Variants in ARHGAP10 observed in about 807,000 individuals in gnomAD.
ARHGAP10 encodes the protein Rho GTPase activating protein 10, also known as rho GTPase-activating protein 10.
In ARHGAP10, 87 loss-of-function variants were observed where a neutral mutation model predicts 108.6. The ratio of observed to expected loss-of-function variants is 0.80; its 90% confidence interval spans 0.67 to 0.96. The LOEUF is 0.96. Among genes scored for constraint, ARHGAP10 ranks in the 40% least tolerant of loss-of-function variants. ARHGAP10 has a pLI of 0.00. For synonymous variants in ARHGAP10, 347 were observed against 341.1 expected (o/e 1.02, Z -0.19); for missense variants, 939 against 954.5 (o/e 0.98, Z 0.21).
intron 18 of ARHGAP10, among the ~76,000 whole-genome samples, chr4:148,016,983 T>TAAAA (rs767261865): frequency 2.7e-5 from 3 of 112,562 alleles, no homozygotes; most frequent in Admixed American, 9.5e-5. Flanking sequence ...TCATCTCTAT[T>TAAAA]AAAAAAAAAA....
chr4:147,830,396 TCTC>T (rs1732901534), intron 3 of ARHGAP10, among the ~76,000 whole-genome samples: 1 of 152,184 alleles, frequency 6.6e-6, no homozygotes, highest in South Asian at 2.1e-4. Context: ...TGCTCTCAAA[TCTC>T]CTCCATAAGT....
chr4:147,751,368 G>GT (rs1379231652), intron 1 of ARHGAP10, among the ~76,000 whole-genome samples: 2,536 of 141,946 alleles, frequency 0.018, 60 homozygotes, highest in African/African-American at 0.051. Flanking sequence ...AATAGTTGTT[G>GT]TTTTTTTTTT....
intron 13 of ARHGAP10, among the ~76,000 whole-genome samples, chr4:147,918,085 C>G (rs1231680791): frequency 6.6e-6 from 1 of 150,820 alleles, no homozygotes; most frequent in African/African-American, 2.5e-5. Flanking sequence ...TTTAAATACA[C>G]TGGATTTTGG....
At chr4:147,970,145 A>C (rs1385945549) in intron 18 of ARHGAP10, among the ~76,000 whole-genome samples, 4 of 152,198 alleles carry the variant, frequency 2.6e-5, no homozygotes, top group Admixed American at 2.6e-4. Context: ...ACTTCACTGC[A>C]GAGTCCAGGC....
At chr4:147,802,748 C>G (rs574014982) in intron 1 of ARHGAP10, among the ~76,000 whole-genome samples, 187 of 152,200 alleles carry the variant, frequency 1.2e-3, no homozygotes, top group Non-Finnish European at 2.3e-3. Flanking sequence ...TAATATCTGT[C>G]AAAATTCAGA....
intron 19 of ARHGAP10, among the ~76,000 whole-genome samples, chr4:148,035,282 T>C (rs930094792): frequency 6.6e-6 from 1 of 152,244 alleles, no homozygotes; most frequent in African/African-American, 2.4e-5. Flanking sequence ...AAAATGTACT[T>C]ATTAAGTTTA....
intron 15 of ARHGAP10, among the ~76,000 whole-genome samples, chr4:147,950,255 A>G (rs994963089): frequency 1.3e-5 from 2 of 152,002 alleles, no homozygotes; most frequent in Non-Finnish European, 2.9e-5. Context: ...GATTTAATTG[A>G]CCCTTTTTTT....
At position 148,072,240 on chromosome 4, in the gene ARHGAP10, G is replaced by C; in HGVS notation, c.*159G>C. On this transcript the variant is annotated 3_prime_UTR_variant, in exon 23 of 23. Coordinates refer to ENST00000336498, the MANE Select transcript of ARHGAP10 (RefSeq NM_024605.4). ...CAGCCCTGGGGGTGGGGGGTGGTGG[G>C]CAGGGATGGGACGCACCACACAGAA... 5 of 447,910 alleles carry C rather than the reference G, an allele frequency of 1.1e-5. No individual in the cohort carries two copies. The highest frequency in any genetic ancestry group is 4.0e-6 in the Non-Finnish European group (1 of 249,812). The allele number at this position is 447,910 out of a possible 1,614,324, so 27.7% of individuals were successfully genotyped here.
At chr4:147,780,634 C>G (rs1340327761) in intron 1 of ARHGAP10, among the ~76,000 whole-genome samples, 1 of 152,100 alleles carries the variant, frequency 6.6e-6, no homozygotes, top group African/African-American at 2.4e-5. Context: ...TTCTCCTTTG[C>G]ATGGAGAGGG....
At chr4:147,940,647 A>T (rs1186481869) in intron 14 of ARHGAP10, among the ~76,000 whole-genome samples, 1 of 152,156 alleles carries the variant, frequency 6.6e-6, no homozygotes, top group Non-Finnish European at 1.5e-5. Flanking sequence ...CTACATATTA[A>T]TTTATTTGAT....
At chr4:148,013,436 C>T (rs1418051974) in intron 18 of ARHGAP10, among the ~76,000 whole-genome samples, 1 of 152,138 alleles carries the variant, frequency 6.6e-6, no homozygotes, top group African/African-American at 2.4e-5. Flanking sequence ...TGCCTGTAAT[C>T]CCAGCACTTT....
At chr4:147,872,917 A>G (rs1340582170) in intron 7 of ARHGAP10, among the ~76,000 whole-genome samples, 2 of 152,156 alleles carry the variant, frequency 1.3e-5, no homozygotes, top group African/African-American at 4.8e-5. Flanking sequence ...TCTGCTTCCT[A>G]AGGCTGTCTG....
intron 3 of ARHGAP10, 115 bp downstream of exon 3, chr4:147,823,072 C>A: frequency 9.4e-7 from 1 of 1,066,392 alleles, no homozygotes; most frequent in South Asian, 1.5e-5. Flanking sequence ...TACAGTAGTG[C>A]ATTGTAATGG....
chr4:147,856,951 C>CAAGTGATT (rs1195195201), intron 4 of ARHGAP10, among the ~76,000 whole-genome samples: 1 of 152,186 alleles, frequency 6.6e-6, no homozygotes, highest in African/African-American at 2.4e-5. Context: ...CTCTGGGGTT[C>CAAGTGATT]AAGTGATTCT....
At chr4:147,767,861 A>C (rs1287772979) in intron 1 of ARHGAP10, among the ~76,000 whole-genome samples, 1 of 152,260 alleles carries the variant, frequency 6.6e-6, no homozygotes, top group Admixed American at 6.5e-5. Flanking sequence ...TATTTGTATT[A>C]TCAAGGGAAT....
At chr4:147,894,451 A>G (rs1321591216) in intron 10 of ARHGAP10, among the ~76,000 whole-genome samples, 2 of 152,212 alleles carry the variant, frequency 1.3e-5, no homozygotes, top group East Asian at 3.8e-4. Flanking sequence ...TTAGAAACAA[A>G]TCATTTACCG....
In ARHGAP10 at chr4:148,023,313, A is replaced by G. The variant is rs1325172205; in HGVS notation, c.1767A>G (p.Ser589=). Residue 589 remains serine (S), a synonymous_variant, in exon 19 of 23, where the codon TCA becomes TCG. Coordinates refer to ENST00000336498, the MANE Select transcript of ARHGAP10 (RefSeq NM_024605.4). ...CATTCCCTGAGCCCACCTGCCTGTC[A>G]GCATCACCCCCAAATGCGCCACCAA... The part of the protein sequence containing the change: ...DTTFPEPTCL[S]ASPPNAPPRQ... 5.6e-6 allele frequency: 9 copies of G among 1,614,094 alleles called. No individual in the cohort carries two copies. Among genetic ancestry groups the G allele is most frequent in the Non-Finnish European group, 6.8e-6 (8 of 1,180,024 alleles).
intron 19 of ARHGAP10, among the ~76,000 whole-genome samples, chr4:148,031,648 A>AT (rs1401595997): frequency 6.6e-6 from 1 of 152,166 alleles, no homozygotes; most frequent in East Asian, 1.9e-4. Context: ...AATGCTATTT[A>AT]TTTTTTAATT....
Position 147,943,071 on chromosome 4 carries a change from G to A in ARHGAP10, c.1303+3172G>A, listed in dbSNP as rs112978746. Reference sequence around the variant, plus strand: ...GAGTCATGGTTTTTTAGTAAATGGAGTGAGAATGTAAAATATCAATTACAA... The same window carrying A: ...GAGTCATGGTTTTTTAGTAAATGGAATGAGAATGTAAAATATCAATTACAA... On this transcript the variant is annotated intron_variant, in intron 14 of 22. Transcript: ENST00000336498. 8.7e-4 allele frequency among the ~76,000 whole-genome samples: 133 copies of A among 152,354 alleles called. 3 individuals are homozygous for A. The highest frequency in any genetic ancestry group is 2.0e-3 in the African/African-American group (82 of 41,582).
Sources: gnomAD v4.1 joint callset for allele counts (sites outside exome capture counted in the v4.1 genomes callset) on GRCh38, gnomAD v4.1.1 for gene constraint, MANE v1.5 for transcripts, NCBI Gene and HGNC (gene_info 2026-07-23, HGNC 2026-07-21) for gene names.